CADM2: variants seen among roughly 807,000 people sequenced by gnomAD.
The protein encoded by CADM2 is immunoglobulin superfamily member 4D.
A neutral mutation model predicts 49.8 loss-of-function variants in CADM2; 12 were observed. The ratio of observed to expected loss-of-function variants is 0.24; its 90% CI spans 0.15 to 0.39. The LOEUF (loss-of-function observed/expected upper bound fraction) is 0.39, where lower values mean the gene tolerates loss of function less well. CADM2 is among the 10% of genes least tolerant of loss of function. The pLI, the probability that CADM2 is intolerant of heterozygous loss-of-function variation, is 1.00. For missense variants in CADM2, 378 were observed against 492.3 expected, an observed-to-expected ratio of 0.77 and a Z score of 2.20; for synonymous variants, 214 against 175.4, an observed-to-expected ratio of 1.22 and a Z score of -1.74.
At chr3:85,445,190 C>T (rs1416886502) in intron 1 of CADM2, among the ~76,000 whole-genome samples, 1 of 152,034 alleles carries the variant, frequency 6.6e-6, no homozygotes. Context: ...AGATAGTATG[C>T]TACAAAGTTA....
At chr3:85,656,746 T>C (rs2065213435) in intron 1 of CADM2, among the ~76,000 whole-genome samples, 1 of 152,230 alleles carries the variant, frequency 6.6e-6, no homozygotes, top group Non-Finnish European at 1.5e-5. Context: ...GCTCTATCTT[T>C]TCCTACTTGT....
chr3:84,989,591 T>G (rs1276892845), intron 1 of CADM2, among the ~76,000 whole-genome samples: 1 of 152,114 alleles, frequency 6.6e-6, no homozygotes, highest in Admixed American at 6.6e-5. Flanking sequence ...TAATGCATAG[T>G]ATAAAAACTA....
intron 1 of CADM2, among the ~76,000 whole-genome samples, chr3:85,390,299 T>A (rs899038716): frequency 6.6e-6 from 1 of 152,106 alleles, no homozygotes; most frequent in East Asian, 1.9e-4. Context: ...AATCATTGGT[T>A]AACTCTTTGT....
intron 1 of CADM2, among the ~76,000 whole-genome samples, chr3:85,123,235 T>A (rs530428474): frequency 6.6e-6 from 1 of 152,262 alleles, no homozygotes; most frequent in South Asian, 2.1e-4. Flanking sequence ...AACTTCATAG[T>A]GACATCACAA....
chr3:85,552,417 G>A (rs1351673133), intron 1 of CADM2, among the ~76,000 whole-genome samples: 1 of 96,766 alleles, frequency 1.0e-5, no homozygotes, highest in Non-Finnish European at 1.9e-5. Flanking sequence ...TTTTGCTCTT[G>A]TTGCCCAGGC....
chr3:85,307,133 A>C (rs766113412), intron 1 of CADM2, among the ~76,000 whole-genome samples: 7 of 151,646 alleles, frequency 4.6e-5, no homozygotes, highest in Non-Finnish European at 1.0e-4. Flanking sequence ...AAAATACTTC[A>C]AATGTATATA....
At chr3:86,050,834 C>T (rs1428537404) in intron 8 of CADM2, among the ~76,000 whole-genome samples, 1 of 152,134 alleles carries the variant, frequency 6.6e-6, no homozygotes, top group Non-Finnish European at 1.5e-5. Flanking sequence ...CTGGACCTGG[C>T]CCAGAGACCT....
chr3:85,804,257 A>G (rs573064987), intron 3 of CADM2, among the ~76,000 whole-genome samples: 1 of 152,310 alleles, frequency 6.6e-6, no homozygotes, highest in African/African-American at 2.4e-5. Flanking sequence ...AATGTTCATT[A>G]CGAAACTAAA....
intron 7 of CADM2, among the ~76,000 whole-genome samples, chr3:85,946,442 A>G (rs1440870924): frequency 6.6e-6 from 1 of 152,116 alleles, no homozygotes; most frequent in Non-Finnish European, 1.5e-5. Context: ...TAAAGTTCAT[A>G]TGGAACCAAA....
chr3:85,782,913 T>C (rs1007203690), intron 2 of CADM2, among the ~76,000 whole-genome samples: 13 of 152,096 alleles, frequency 8.5e-5, no homozygotes, highest in African/African-American at 2.9e-4. Flanking sequence ...TTTAATCATA[T>C]TGCATTCTTC....
intron 8 of CADM2, chr3:86,015,074 T>C: frequency 3.1e-6 from 2 of 655,134 alleles, no homozygotes; most frequent in Non-Finnish European, 5.4e-6. Context: ...CCTATACAAG[T>C]AAGTCAGAGC....
At chr3:85,115,709 G>A (rs144998157) in intron 1 of CADM2, among the ~76,000 whole-genome samples, 4 of 152,246 alleles carry the variant, frequency 2.6e-5, no homozygotes, top group African/African-American at 7.2e-5. Flanking sequence ...CAGCTTTAAT[G>A]TTTAATGGTA....
intron 6 of CADM2, among the ~76,000 whole-genome samples, chr3:85,916,286 G>C (rs1718305086): frequency 6.6e-6 from 1 of 151,742 alleles, no homozygotes; most frequent in South Asian, 2.1e-4. Context: ...TGGTCATTTA[G>C]CGTTAGGTAT....
Position 85,431,860 on chromosome 3 carries a change from C to CATATATATATATATATAT in CADM2, c.62-294650_62-294649insATATATATATATATATAT, listed in dbSNP as rs1553722697. On this transcript the variant is annotated intron_variant, in intron 1 of 9. Transcript: ENST00000383699. ...AACACCATGGTCTTATGCTTAATTGCATATATATATATGCCATGCTCTTTC... is the reference window on the plus strand; with the variant it reads ...AACACCATGGTCTTATGCTTAATTGCATATATATATATATATATATATATATATATGCCATGCTCTTTC... 3.0e-3 allele frequency among the ~76,000 whole-genome samples: 158 copies of CATATATATATATATATAT among 51,860 alleles called. 43 individuals carry two copies. The highest frequency in any genetic ancestry group is 5.3e-3 in the Non-Finnish European group (123 of 23,418). The allele number at this position is 51,860 out of a possible 152,430, so 34.0% of individuals were successfully genotyped here.
chr3:85,747,567 T>G (rs931149964), intron 2 of CADM2, among the ~76,000 whole-genome samples: 5 of 152,134 alleles, frequency 3.3e-5, no homozygotes, highest in Non-Finnish European at 7.4e-5. Context: ...CAACCCATCT[T>G]GGCTGAGCTG....
chr3:85,408,010 C>CAAAAAAAAAAAAAAAAAA (rs372349246), intron 1 of CADM2, among the ~76,000 whole-genome samples: 99 of 56,118 alleles, frequency 1.8e-3, no homozygotes, highest in Middle Eastern at 0.015. Flanking sequence ...AAAACAAAAC[C>CAAAAAAAAAAAAAAAAAA]AAAAAAAAAA....
intron 8 of CADM2, among the ~76,000 whole-genome samples, chr3:86,031,890 ATAAT>A (rs1456689215): frequency 6.6e-6 from 1 of 151,770 alleles, no homozygotes; most frequent in Non-Finnish European, 1.5e-5. Flanking sequence ...AACCAGGAAA[ATAAT>A]TAATTACCCT....
intron 2 of CADM2, among the ~76,000 whole-genome samples, chr3:85,774,226 T>G (rs188659870): frequency 1.5e-4 from 23 of 151,958 alleles, no homozygotes; most frequent in African/African-American, 5.5e-4. Flanking sequence ...GTCTCCTGGT[T>G]TAGATGGACA....
chr3:85,062,414 A>T (rs1335962403), intron 1 of CADM2, among the ~76,000 whole-genome samples: 3 of 152,092 alleles, frequency 2.0e-5, no homozygotes, highest in Non-Finnish European at 4.4e-5. Context: ...AATTAAGTAT[A>T]TATGATCTTT....
Sources: allele counts gnomAD v4.1 joint callset (sites outside exome capture counted in the v4.1 genomes callset), GRCh38; gene constraint gnomAD v4.1.1; transcripts MANE v1.5; gene names NCBI Gene and HGNC (gene_info 2026-07-23, HGNC 2026-07-21).